SOX5: variants seen among roughly 807,000 people sequenced by gnomAD.
SOX5 encodes SRY-box transcription factor 5.
A neutral mutation model predicts 92.0 loss-of-function variants in SOX5; 9 were observed. The observed-to-expected ratio is 0.10, with a 90% CI of 0.06 to 0.17. The LOEUF is 0.17. Among genes scored for constraint, SOX5 ranks in the 10% least tolerant of loss-of-function variants. SOX5 has a pLI of 1.00. For synonymous variants in SOX5, 344 were observed against 336.3 expected (o/e 1.02, Z -0.25); for missense variants, 642 against 944.5 (o/e 0.68, Z 4.20).
chr12:24,545,031 T>C (rs1952487980), intron 1 of SOX5, among the ~76,000 whole-genome samples: 1 of 152,302 alleles, frequency 6.6e-6, no homozygotes, highest in Admixed American at 6.5e-5. Context: ...TTTATATACA[T>C]GATCAGAAAA....
At chr12:24,257,771 C>T (rs1033325887) in intron 3 of SOX5, among the ~76,000 whole-genome samples, 37 of 152,034 alleles carry the variant, frequency 2.4e-4, no homozygotes, top group Admixed American at 3.3e-4. Flanking sequence ...CCGACCAAAG[C>T]TCCAGTTTTT....
chr12:23,861,726 T>C (rs892148078), intron 2 of SOX5, among the ~76,000 whole-genome samples: 2 of 152,202 alleles, frequency 1.3e-5, no homozygotes, highest in Non-Finnish European at 2.9e-5. Flanking sequence ...TCATTTTCTT[T>C]AAGTCTCAAA....
chr12:24,362,235 C>G (rs980844648), intron 2 of SOX5, among the ~76,000 whole-genome samples: 3 of 152,146 alleles, frequency 2.0e-5, no homozygotes, highest in Non-Finnish European at 2.9e-5. Flanking sequence ...TTACAGAAGT[C>G]ATAAGGGGCA....
intron 8 of SOX5, among the ~76,000 whole-genome samples, chr12:23,622,663 C>T (rs941152604): frequency 5.3e-5 from 8 of 152,204 alleles, no homozygotes; most frequent in Admixed American, 3.3e-4. Flanking sequence ...AACACTGCGT[C>T]AACTTACCAT....
chr12:24,216,343 G>A (rs2139737518), intron 3 of SOX5, among the ~76,000 whole-genome samples: 1 of 152,282 alleles, frequency 6.6e-6, no homozygotes, highest in East Asian at 1.9e-4. Context: ...ATTTAGCCGG[G>A]CGTGGTGGCG....
intron 2 of SOX5, among the ~76,000 whole-genome samples, chr12:23,871,283 A>C (rs914311522): frequency 1.3e-5 from 2 of 152,208 alleles, no homozygotes; most frequent in African/African-American, 2.4e-5. Context: ...TATGTAACAC[A>C]CAAAATGAAT....
At chr12:24,492,148 A>T (rs6487389) in intron 1 of SOX5, among the ~76,000 whole-genome samples, 49,461 of 152,056 alleles carry the variant, frequency 0.33, 9,216 homozygotes, top group East Asian at 0.72. Flanking sequence ...TCCCCTTCAT[A>T]TTCGCCTGTT....
chr12:24,195,140 A>G (rs937480178), intron 4 of SOX5, among the ~76,000 whole-genome samples: 12 of 38,798 alleles, frequency 3.1e-4, no homozygotes, highest in East Asian at 9.5e-3. Flanking sequence ...ATTGTTTGGG[A>G]AAAAAAAAAA....
intron 3 of SOX5, among the ~76,000 whole-genome samples, chr12:23,832,709 A>G (rs1269911120): frequency 6.6e-6 from 1 of 151,952 alleles, no homozygotes; most frequent in Non-Finnish European, 1.5e-5. Context: ...GATATTTATT[A>G]TATTAATACA....
At chr12:24,484,184 A>G (rs1946286562) in intron 1 of SOX5, among the ~76,000 whole-genome samples, 1 of 152,174 alleles carries the variant, frequency 6.6e-6, no homozygotes, top group East Asian at 1.9e-4. Context: ...TAGTTCTTCT[A>G]ATCTTTTCTC....
At chr12:24,334,940 A>T (rs922093013) in intron 2 of SOX5, among the ~76,000 whole-genome samples, 1 of 151,950 alleles carries the variant, frequency 6.6e-6, no homozygotes, top group African/African-American at 2.4e-5. Context: ...GATCTGGATG[A>T]AAATGTATAA....
At chr12:23,740,692 G>A (rs568986723) in intron 5 of SOX5, among the ~76,000 whole-genome samples, 175 bp downstream of exon 5, 12 of 152,198 alleles carry the variant, frequency 7.9e-5, no homozygotes, top group Admixed American at 3.9e-4. Flanking sequence ...CTTAAAATCC[G>A]GGTTTTGTCT....
chr12:23,621,829 C>T (rs1326228800), intron 8 of SOX5, among the ~76,000 whole-genome samples: 1 of 151,952 alleles, frequency 6.6e-6, no homozygotes. Flanking sequence ...TTGCAAAAAC[C>T]ACGGCATTTG....
At chr12:24,550,825 T>C (rs1953080751) in intron 1 of SOX5, among the ~76,000 whole-genome samples, 1 of 152,236 alleles carries the variant, frequency 6.6e-6, no homozygotes, top group Non-Finnish European at 1.5e-5. Context: ...CAATCTCCTT[T>C]TATTTCCAAA....
rs2135816726 is a variant in SOX5 at position 23,532,370 on chromosome 12, A to AATG, written c.*1846_*1848dup. Reference sequence around the variant, plus strand: ...GGTGTTTCGGGGGGTGAGATAGGAAAATGATGACTGGAGTGAAAACTATAG... The same window carrying AATG: ...GGTGTTTCGGGGGGTGAGATAGGAAAATGATGATGACTGGAGTGAAAACTATAG... On this transcript the variant is annotated 3_prime_UTR_variant, in exon 15 of 15. Coordinates refer to ENST00000451604, the MANE Select transcript of SOX5 (RefSeq NM_006940.6). 6.6e-6 allele frequency: 1 copy of AATG among 152,240 alleles called. No individual in the cohort carries two copies. Among genetic ancestry groups the AATG allele is most frequent in the South Asian group, 2.1e-4 (1 of 4,832 alleles). The allele number at this position is 152,240 out of a possible 1,614,324, so 9.4% of individuals were successfully genotyped here.
At chr12:23,948,324 T>C (rs1944957196) in intron 1 of SOX5, among the ~76,000 whole-genome samples, 1 of 152,120 alleles carries the variant, frequency 6.6e-6, no homozygotes, top group African/African-American at 2.4e-5. Context: ...TTTTCTAATA[T>C]GTGACCACAT....
intron 1 of SOX5, among the ~76,000 whole-genome samples, chr12:23,938,622 C>T (rs1352191401): frequency 6.6e-6 from 1 of 150,812 alleles, no homozygotes; most frequent in Non-Finnish European, 1.5e-5. Flanking sequence ...TATGTTAAAT[C>T]AGCAAATTCA....
chr12:24,427,312 G>A (rs570815612), intron 1 of SOX5, among the ~76,000 whole-genome samples: 1 of 152,294 alleles, frequency 6.6e-6, no homozygotes, highest in East Asian at 1.9e-4. Flanking sequence ...CAGACAGTAA[G>A]TGTCCCAGAA....
chr12:24,136,337 TC>T (rs572505662), intron 4 of SOX5, among the ~76,000 whole-genome samples: 1 of 152,198 alleles, frequency 6.6e-6, no homozygotes, highest in Non-Finnish European at 1.5e-5. Flanking sequence ...CAGTCCCAAA[TC>T]CCATTCTGTT....
Sources: gnomAD v4.1 joint callset for allele counts (sites outside exome capture counted in the v4.1 genomes callset) on GRCh38, gnomAD v4.1.1 for gene constraint, MANE v1.5 for transcripts, NCBI Gene and HGNC (gene_info 2026-07-23, HGNC 2026-07-21) for gene names.